The following MACROD2 variants were observed in gnomAD, a reference collection of about 807,000 sequenced individuals.
The protein encoded by MACROD2 is mono-ADP ribosylhydrolase 2, also known as ADP-ribose glycohydrolase MACROD2.
In MACROD2, 36 loss-of-function variants were observed where a neutral mutation model predicts 70.4. The observed-to-expected ratio is 0.51, with a 90% CI of 0.39 to 0.68. The LOEUF (loss-of-function observed/expected upper bound fraction) is 0.68. Among genes scored for constraint, MACROD2 ranks in the 30% least tolerant of loss-of-function variants. The probability of loss-of-function intolerance (pLI) is 0.00; values close to 1 mark genes in which losing one functional copy is unlikely to be tolerated. For synonymous variants in MACROD2, 172 were observed against 178.8 expected, an observed-to-expected ratio of 0.96 and a Z score of 0.30; for missense variants, 496 against 538.4, an observed-to-expected ratio of 0.92 and a Z score of 0.78.
intron 3 of MACROD2, among the ~76,000 whole-genome samples, chr20:14,286,108 G>A (rs1269093265): frequency 1.3e-5 from 2 of 152,050 alleles, no homozygotes; most frequent in African/African-American, 2.4e-5. Flanking sequence ...TAGAACAGGA[G>A]CGTGAACCAC....
At chr20:16,047,144 G>A (rs192144231) in intron 17 of MACROD2, among the ~76,000 whole-genome samples, 2 of 152,282 alleles carry the variant, frequency 1.3e-5, no homozygotes, top group East Asian at 1.9e-4. Flanking sequence ...TGAATGATTT[G>A]TGCAACGTCA....
chr20:14,395,003 A>AT (rs968639504), intron 3 of MACROD2, among the ~76,000 whole-genome samples: 18 of 152,018 alleles, frequency 1.2e-4, no homozygotes, highest in African/African-American at 3.9e-4. Context: ...AAATTTTAAG[A>AT]TTTTTTATAT....
At chr20:15,653,326 AT>A (rs1162602938) in intron 8 of MACROD2, among the ~76,000 whole-genome samples, 3 of 152,230 alleles carry the variant, frequency 2.0e-5, no homozygotes, top group African/African-American at 7.2e-5. Flanking sequence ...GATTTCTATT[AT>A]CAGAGAGAAA....
intron 3 of MACROD2, among the ~76,000 whole-genome samples, chr20:14,098,616 T>C (rs2054260889): frequency 6.6e-6 from 1 of 152,190 alleles, no homozygotes; most frequent in Non-Finnish European, 1.5e-5. Context: ...TAGAAATGTT[T>C]TATTCACCTC....
At chr20:15,483,576 C>T (rs1452205122) in intron 7 of MACROD2, among the ~76,000 whole-genome samples, 1 of 152,066 alleles carries the variant, frequency 6.6e-6, no homozygotes, top group Admixed American at 6.6e-5. Context: ...TGTTTATATC[C>T]ACAAAATAAC....
chr20:14,612,889 C>T (rs1035478885), intron 4 of MACROD2, among the ~76,000 whole-genome samples: 2 of 152,092 alleles, frequency 1.3e-5, no homozygotes, highest in African/African-American at 4.8e-5. Flanking sequence ...GTACCTTGCT[C>T]TATATCTAAA....
chr20:14,689,983 A>G (rs947488833), intron 5 of MACROD2, among the ~76,000 whole-genome samples: 1 of 151,262 alleles, frequency 6.6e-6, no homozygotes, highest in Non-Finnish European at 1.5e-5. Flanking sequence ...ATCAGTGTCA[A>G]TTATCCATTG....
intron 5 of MACROD2, among the ~76,000 whole-genome samples, chr20:15,004,414 G>C (rs1388112048): frequency 6.6e-6 from 1 of 152,154 alleles, no homozygotes; most frequent in Non-Finnish European, 1.5e-5. Context: ...CCTAGGAGCT[G>C]TTGTTATTAA....
chr20:15,925,773 C>T (rs1190578791), intron 10 of MACROD2, among the ~76,000 whole-genome samples: 1 of 152,146 alleles, frequency 6.6e-6, no homozygotes, highest in Non-Finnish European at 1.5e-5. Flanking sequence ...AACAGACACA[C>T]GGGCTTAAAA....
intron 8 of MACROD2, among the ~76,000 whole-genome samples, chr20:15,550,654 T>G (rs1455133121): frequency 6.6e-6 from 1 of 152,228 alleles, no homozygotes; most frequent in African/African-American, 2.4e-5. Flanking sequence ...TACTATGGTT[T>G]TCACATCCAC....
chr20:14,823,921 T>A lies in MACROD2; in HGVS notation c.418+138962T>A, dbSNP rs546112696. On this transcript the variant is annotated intron_variant, in intron 5 of 17. Coordinates refer to ENST00000684519, the MANE Select transcript of MACROD2 (RefSeq NM_001351661.2). ...CTCAAAATACTCCAAGTACAAATAC[T>A]TACATTGCTTGTTGACAGAGTAAAA... 1.1e-4 allele frequency among the ~76,000 whole-genome samples: 16 copies of A among 152,240 alleles called. 3 individuals carry two copies. The South Asian group carries it at 3.3e-3, about 32-fold the overall frequency.
chr20:14,693,078 A>G (rs2071082105), intron 5 of MACROD2, among the ~76,000 whole-genome samples: 1 of 152,206 alleles, frequency 6.6e-6, no homozygotes, highest in Non-Finnish European at 1.5e-5. Flanking sequence ...TATGTGATCA[A>G]TAGGAAATAA....
intron 5 of MACROD2, among the ~76,000 whole-genome samples, chr20:14,853,817 G>A (rs2073224718): frequency 6.6e-6 from 1 of 151,760 alleles, no homozygotes; most frequent in African/African-American, 2.4e-5. Flanking sequence ...TTTTTGTTTT[G>A]TTTTGTTTTG....
rs1050730192 is a variant in MACROD2, at chr20:15,362,132, C to T, written c.541-69273C>T. ...GTTCAAGCGATTCTTATGCCTCAGCCTTCCGAGTAGCTGGGATTACAGGCG... is the reference window on the plus strand; with the variant it reads ...GTTCAAGCGATTCTTATGCCTCAGCTTTCCGAGTAGCTGGGATTACAGGCG... On this transcript the variant is annotated intron_variant, in intron 6 of 17. Transcript: ENST00000684519. 2.4e-4 allele frequency among the ~76,000 whole-genome samples: 36 copies of T among 152,006 alleles called. 1 individual carries two copies. Among genetic ancestry groups the T allele is most frequent in the African/African-American group, 8.5e-4 (35 of 41,368 alleles).
At chr20:14,316,864 A>G (rs975055127) in intron 3 of MACROD2, among the ~76,000 whole-genome samples, 4 of 152,082 alleles carry the variant, frequency 2.6e-5, no homozygotes, top group African/African-American at 9.7e-5. Flanking sequence ...CCTTATTACA[A>G]TTGAAATCTG....
At chr20:14,003,188 A>G (rs997407464) in intron 2 of MACROD2, among the ~76,000 whole-genome samples, 3 of 152,202 alleles carry the variant, frequency 2.0e-5, no homozygotes, top group Non-Finnish European at 4.4e-5. Flanking sequence ...TCTTAGATCG[A>G]TGGAACTACA....
At chr20:14,128,383 A>G (rs1362288908) in intron 3 of MACROD2, 2 of 154,144 alleles carry the variant, frequency 1.3e-5, no homozygotes, top group African/African-American at 4.8e-5. Flanking sequence ...AACCTTATAA[A>G]AAGGAATGTA....
chr20:15,009,128 A>G (rs1600942247), intron 5 of MACROD2, among the ~76,000 whole-genome samples: 1 of 152,178 alleles, frequency 6.6e-6, no homozygotes, highest in East Asian at 1.9e-4. Flanking sequence ...GAGGTACTAC[A>G]GGAAAAAGCC....
intron 5 of MACROD2, among the ~76,000 whole-genome samples, chr20:15,002,206 G>A (rs921813306): frequency 6.6e-6 from 1 of 152,062 alleles, no homozygotes; most frequent in Non-Finnish European, 1.5e-5. Context: ...TGCCGTAGTG[G>A]TTGTAATAGT....
Sources: allele counts gnomAD v4.1 joint callset (sites outside exome capture counted in the v4.1 genomes callset), GRCh38; gene constraint gnomAD v4.1.1; transcripts MANE v1.5; gene names NCBI Gene and HGNC (gene_info 2026-07-23, HGNC 2026-07-21).